Variants in NAV1 observed in about 807,000 individuals in gnomAD.
The protein encoded by NAV1 is pore membrane and/or filament interacting like protein 3.
A neutral mutation model predicts 175.2 loss-of-function variants in NAV1; 18 were observed. The observed-to-expected ratio is 0.10, with a 90% CI of 0.07 to 0.15. The LOEUF (loss-of-function observed/expected upper bound fraction) is 0.15, where lower values mean the gene tolerates loss of function less well. Ranked by LOEUF, NAV1 falls within the 10% of genes least tolerant of loss-of-function variation. NAV1 has a pLI of 1.00. For synonymous variants in NAV1, 897 were observed against 978.7 expected (o/e 0.92, Z 1.56); for missense variants, 1,731 against 2,436.6 (o/e 0.71, Z 6.10).
rs184785981 is a variant in NAV1 at position 201,595,855 on chromosome 1, A to T, written c.-33+7206A>T. Among the ~76,000 whole-genome samples the T allele has an allele frequency of 6.6e-5, 10 of 152,306 alleles. No homozygotes were observed. The East Asian group carries it at 1.7e-3, about 26-fold the overall frequency. ...CTTCTTCTGCCTCTTCCACCAAGCC[A>T]TGTCCTTCCTGATGCAGCATTCTCC... On this transcript the variant is annotated intron_variant, in intron 2 of 33. Coordinates refer to the NAV1 transcript ENST00000685211.
At chr1:201,604,247 G>C (rs552870773) in intron 2 of NAV1, among the ~76,000 whole-genome samples, 1 of 152,286 alleles carries the variant, frequency 6.6e-6, no homozygotes, top group South Asian at 2.1e-4. Flanking sequence ...TAGAGGTGGT[G>C]ATCTTGTTAT....
intron 2 of NAV1, among the ~76,000 whole-genome samples, chr1:201,615,988 G>A (rs1481821912): frequency 6.6e-6 from 1 of 151,498 alleles, no homozygotes; most frequent in African/African-American, 2.4e-5. Context: ...GTGGGATGGA[G>A]GGACACTTGA....
At chr1:201,682,115 CAAAAAAAAAA>C (rs34550001) in intron 1 of NAV1, among the ~76,000 whole-genome samples, 1 of 83,512 alleles carries the variant, frequency 1.2e-5, no homozygotes, top group East Asian at 3.3e-4. Flanking sequence ...GACTCCATCT[CAAAAAAAAAA>C]AAAAAAAAAA....
intron 1 of NAV1, among the ~76,000 whole-genome samples, chr1:201,651,885 G>A (rs1448984933): frequency 6.6e-6 from 1 of 152,060 alleles, no homozygotes; most frequent in Non-Finnish European, 1.5e-5. Context: ...GGTTCAGGCT[G>A]TAGCAAGGCA....
chr1:201,666,591 G>A (rs1456562595), intron 1 of NAV1, among the ~76,000 whole-genome samples: 1 of 152,178 alleles, frequency 6.6e-6, no homozygotes, highest in Admixed American at 6.5e-5. Flanking sequence ...GATGGGCGGA[G>A]GAAGCCAGGG....
chr1:201,785,185 C>T (rs1676641543), intron 7 of NAV1, 125 bp from the exon 12 acceptor site: 4 of 907,144 alleles, frequency 4.4e-6, no homozygotes, highest in Non-Finnish European at 6.7e-6. Context: ...TAAAGCAGGT[C>T]ATAGTTTGAT....
chr1:201,808,439 C>A lies in NAV1; in HGVS notation c.3867C>A (p.Pro1289=). Residue 1289 remains proline, a synonymous_variant, in exon 19 of 30, where the codon CCC becomes CCA. Transcript: ENST00000367296. The surrounding 1 kb of genome is among the most constrained non-coding windows in gnomAD (Gnocchi z 5.5). ...ACAGGGGCCCTGCTCACCCAGCCCC[C>A]CACACTAGGCTGTTCCATGCAAATG... 6.2e-7 allele frequency: 1 copy of A among 1,613,410 alleles called. No individual in the cohort carries two copies. Among genetic ancestry groups the A allele is most frequent in the African/African-American group, 1.3e-5 (1 of 75,048 alleles).
chr1:201,634,548 G>T (rs539736180), intron 2 of NAV1, among the ~76,000 whole-genome samples: 1 of 152,260 alleles, frequency 6.6e-6, no homozygotes, highest in African/African-American at 2.4e-5. Flanking sequence ...TGAAGGAAGA[G>T]GCCAGATAAG....
intron 15 of NAV1, chr1:201,796,319 C>T (rs1677450076): frequency 6.6e-6 from 1 of 151,998 alleles, no homozygotes; most frequent in African/African-American, 2.4e-5. Flanking sequence ...GATATCTCCA[C>T]ATTCTTTGTT....
chr1:201,668,452 C>T (rs1481609573), intron 1 of NAV1, among the ~76,000 whole-genome samples: 2 of 152,202 alleles, frequency 1.3e-5, no homozygotes, highest in African/African-American at 4.8e-5. Context: ...TCCATCCACT[C>T]GCTCATCACT....
chr1:201,779,330 G>A (rs1481245891), intron 3 of NAV1, among the ~76,000 whole-genome samples: 6 of 151,776 alleles, frequency 4.0e-5, no homozygotes, highest in African/African-American at 9.7e-5. Flanking sequence ...GGTGGCTCAC[G>A]CCTATAATCC....
intron 2 of NAV1, among the ~76,000 whole-genome samples, chr1:201,634,970 C>T (rs766022293): frequency 6.6e-6 from 1 of 152,170 alleles, no homozygotes; most frequent in African/African-American, 2.4e-5. Context: ...ACCAAGAAAA[C>T]CAGGACCTCT....
intron 3 of NAV1, chr1:201,723,915 A>G (rs1490054757): frequency 6.6e-6 from 1 of 152,262 alleles, no homozygotes; most frequent in Admixed American, 6.5e-5. Context: ...ATATTTCAAC[A>G]TGTTCTTAAT....
At position 201,808,198 on chromosome 1, in the gene NAV1, T is replaced by G; in HGVS notation, c.3845+49T>G. 4 of 1,600,554 alleles carry G rather than the reference T, an allele frequency of 2.5e-6. No individual in the cohort carries two copies. In the South Asian group the frequency reaches 4.4e-5, roughly 18 times the overall value. On this transcript the variant is annotated intron_variant, in intron 18 of 29. Coordinates refer to ENST00000367296, the Ensembl canonical transcript of NAV1. This position sits in a 1 kb window ranked among gnomAD's most constrained non-coding sequence, Gnocchi z 5.5. ...CACCCAGCCTGTTACCAGTGTAAGC[T>G]GTGGGCTAGAGTTGACAGGAGGCCA...
chr1:201,645,782 G>A (rs1020043604), upstream of NAV1, among the ~76,000 whole-genome samples: 1 of 152,188 alleles, frequency 6.6e-6, no homozygotes, highest in Admixed American at 6.5e-5. Context: ...GCAGAAAGAG[G>A]ATATAGAGAC....
At chr1:201,745,826 T>C (rs1673731744) in intron 3 of NAV1, among the ~76,000 whole-genome samples, 1 of 151,862 alleles carries the variant, frequency 6.6e-6, no homozygotes. Flanking sequence ...AAGTTAATTT[T>C]ATTGTATTTA....
intron 2 of NAV1, among the ~76,000 whole-genome samples, chr1:201,642,990 G>T: frequency 6.6e-6 from 1 of 150,904 alleles, no homozygotes; most frequent in African/African-American, 2.5e-5. Flanking sequence ...TAGCCAGGAT[G>T]GTCTCAATCT....
chr1:201,572,370 C>CTT (rs558471603), intron 1 of NAV1, among the ~76,000 whole-genome samples: 6,921 of 136,394 alleles, frequency 0.051, 500 homozygotes, highest in African/African-American at 0.15. Flanking sequence ...TTCTTTCTTT[C>CTT]TTTTTTTTTT....
At chr1:201,738,791 T>A (rs1673225536) in intron 3 of NAV1, among the ~76,000 whole-genome samples, 1 of 152,192 alleles carries the variant, frequency 6.6e-6, no homozygotes, top group African/African-American at 2.4e-5. Flanking sequence ...CCAAGTCATC[T>A]TAGTTCAGCA....
Sources: gnomAD v4.1 joint callset for allele counts (sites outside exome capture counted in the v4.1 genomes callset) on GRCh38, gnomAD v4.1.1 for gene constraint, Gnocchi (gnomAD v3.1) non-coding constraint, MANE v1.5 for transcripts, NCBI Gene and HGNC (gene_info 2026-07-23, HGNC 2026-07-21) for gene names.